The following PRICKLE1 variants were observed in gnomAD, a reference collection of about 807,000 sequenced individuals.
The protein encoded by PRICKLE1 is prickle planar cell polarity protein 1, also known as prickle-like protein 1.
PRICKLE1 carries 14 observed loss-of-function variants against 70.2 expected under a neutral mutation model. The observed-to-expected ratio is 0.20, with a 90% CI of 0.13 to 0.31. PRICKLE1 has a LOEUF of 0.31. PRICKLE1 is among the 10% of genes least tolerant of loss of function. PRICKLE1 has a pLI of 1.00. For synonymous variants in PRICKLE1, 357 were observed against 379.9 expected (o/e 0.94, Z 0.70); for missense variants, 821 against 1,026.2 (o/e 0.80, Z 2.73).
chr12:42,513,644 A>T (rs1229753553), intron 1 of PRICKLE1, among the ~76,000 whole-genome samples: 2 of 151,998 alleles, frequency 1.3e-5, no homozygotes, highest in Admixed American at 1.3e-4. Context: ...CATATCTTCA[A>T]TGCTGTCCCC....
At chr12:42,549,617 G>T (rs1566122655) in intron 1 of PRICKLE1, among the ~76,000 whole-genome samples, 1 of 152,032 alleles carries the variant, frequency 6.6e-6, no homozygotes, top group Non-Finnish European at 1.5e-5. Context: ...AAACCTACAA[G>T]TCCCCATAGA....
chr12:42,566,007 C>CTGTG (rs1292325668), intron 1 of PRICKLE1, among the ~76,000 whole-genome samples: 3 of 152,176 alleles, frequency 2.0e-5, no homozygotes, highest in Admixed American at 6.6e-5. Context: ...GGAAGCCAGT[C>CTGTG]TGTGTGGCGA....
intron 1 of PRICKLE1, among the ~76,000 whole-genome samples, chr12:42,585,485 C>T (rs1020510693): frequency 6.6e-6 from 1 of 152,112 alleles, no homozygotes; most frequent in African/African-American, 2.4e-5. Context: ...CCCCACCCCC[C>T]ACAACTGGAA....
rs556250398 is a variant in PRICKLE1, at chr12:42,464,210, G to A, written c.1639+185C>T. Among the ~76,000 whole-genome samples, 13 of 152,106 alleles carry A rather than the reference G, an allele frequency of 8.5e-5. No individual in the cohort carries two copies. Among genetic ancestry groups the A allele is most frequent in the Non-Finnish European group, 1.3e-4 (9 of 68,016 alleles). On this transcript the variant is annotated intron_variant, in intron 7 of 7. Coordinates refer to ENST00000345127, the MANE Select transcript of PRICKLE1 (RefSeq NM_153026.3). This position sits in a 1 kb window ranked among gnomAD's most constrained non-coding sequence, Gnocchi z 4.2. ...TAATTTTTGTATTTTTAGTAGAGCC[G>A]CGGTTTCGCCATGTTGCCTGGGCTG...
chr12:42,465,373 T>C, intron 6 of PRICKLE1, 115 bp from the exon 7 acceptor site: 1 of 933,412 alleles, frequency 1.1e-6, no homozygotes, highest in South Asian at 1.6e-5. Flanking sequence ...GCTGTGTGGG[T>C]GACACAGATA....
Position 42,459,729 on chromosome 12 carries a change from A to G in PRICKLE1, c.*80T>C. 1 of 1,555,658 alleles carries G rather than the reference A, an allele frequency of 6.4e-7. No individual in the cohort carries two copies. Among genetic ancestry groups the G allele is most frequent in the East Asian group, 2.2e-5 (1 of 44,564 alleles). ...AGAAAGCACTTTAAACTATTTTCACAACTTTCCTACGGAAGAAAAGGAAAC... is the reference window on the plus strand; with the variant it reads ...AGAAAGCACTTTAAACTATTTTCACGACTTTCCTACGGAAGAAAAGGAAAC... On this transcript the variant is annotated 3_prime_UTR_variant, in exon 8 of 8. Coordinates refer to ENST00000345127, the MANE Select transcript of PRICKLE1 (RefSeq NM_153026.3).
intron 1 of PRICKLE1, among the ~76,000 whole-genome samples, chr12:42,571,529 G>A (rs1940713020): frequency 6.6e-6 from 1 of 152,228 alleles, no homozygotes; most frequent in South Asian, 2.1e-4. Flanking sequence ...TCTTGTCTGA[G>A]GAAGCAGATG....
chr12:42,495,407 A>G (rs1312451870), intron 1 of PRICKLE1, among the ~76,000 whole-genome samples: 1 of 146,296 alleles, frequency 6.8e-6, no homozygotes, highest in Admixed American at 6.8e-5. Context: ...AAAAAGAGAG[A>G]GAGAGAGAGA....
chr12:42,519,193 C>CTTTTCT (rs1939663880), intron 1 of PRICKLE1, among the ~76,000 whole-genome samples: 1 of 99,190 alleles, frequency 1.0e-5, no homozygotes, highest in Non-Finnish European at 1.9e-5. Context: ...CCTTTTTTTC[C>CTTTTCT]TTTTTTTTTT....
chr12:42,459,591 G>T lies in PRICKLE1; in HGVS notation c.*218C>A. On this transcript the variant is annotated 3_prime_UTR_variant, in exon 8 of 8. Transcript: ENST00000345127. ...TAACGCACCCGCACCGGACAGGCAC[G>T]AGATGTCACGTCCACCTGGCACCAT... 1.5e-6 allele frequency: 1 copy of T among 648,138 alleles called. No homozygotes were observed. The highest frequency in any genetic ancestry group is 2.8e-5 in the Admixed American group (1 of 36,354). The allele number at this position is 648,138 out of a possible 1,614,324, so 40.1% of individuals were successfully genotyped here.
At chr12:42,492,209 C>G (rs1939119694) in intron 1 of PRICKLE1, among the ~76,000 whole-genome samples, 1 of 152,122 alleles carries the variant, frequency 6.6e-6, no homozygotes, top group Non-Finnish European at 1.5e-5. Flanking sequence ...TCAAGTGATC[C>G]TCCCATCTCA....
chr12:42,457,009 C>G lies in PRICKLE1; in HGVS notation c.*2800G>C, dbSNP rs1195831001. 1 of 152,048 alleles carries G rather than the reference C, an allele frequency of 6.6e-6. No homozygotes were observed. The highest frequency in any genetic ancestry group is 1.5e-5 in the Non-Finnish European group (1 of 68,074). The allele number at this position is 152,048 out of a possible 1,614,324, so 9.4% of individuals were successfully genotyped here. A position where few individuals can be genotyped will look rare whatever the true frequency, so the allele number is the denominator to read the frequency against. ...TGGCCAACTTGGTGAAACACTGTCT[C>G]TACTAAAAATATAAAAAATTAGCCG... On this transcript the variant is annotated 3_prime_UTR_variant, in exon 8 of 8. Coordinates refer to ENST00000345127, the MANE Select transcript of PRICKLE1 (RefSeq NM_153026.3).
chr12:42,560,819 A>AC (rs1332613613), intron 1 of PRICKLE1, among the ~76,000 whole-genome samples: 8 of 147,848 alleles, frequency 5.4e-5, no homozygotes, highest in East Asian at 2.0e-4. Context: ...CACACACACA[A>AC]AACAAAAAAC....
intron 1 of PRICKLE1, among the ~76,000 whole-genome samples, chr12:42,522,407 G>A (rs985710630): frequency 6.6e-6 from 1 of 152,086 alleles, no homozygotes; most frequent in Non-Finnish European, 1.5e-5. Flanking sequence ...CTGAAATCAG[G>A]GGTTTTAGGG....
At chr12:42,473,348 C>T (rs1010673423) in intron 1 of PRICKLE1, among the ~76,000 whole-genome samples, 3 of 152,092 alleles carry the variant, frequency 2.0e-5, no homozygotes, top group African/African-American at 7.2e-5. Flanking sequence ...GCAGTCAGTG[C>T]CTAGTATGTG....
chr12:42,587,898 G>T (rs1476017872), intron 1 of PRICKLE1, among the ~76,000 whole-genome samples: 1 of 152,138 alleles, frequency 6.6e-6, no homozygotes, highest in Non-Finnish European at 1.5e-5. Context: ...GGATTAAGTT[G>T]ATGCTCAATT....
At chr12:42,578,460 C>G (rs1940839109) in intron 1 of PRICKLE1, among the ~76,000 whole-genome samples, 1 of 152,032 alleles carries the variant, frequency 6.6e-6, no homozygotes, top group African/African-American at 2.4e-5. Flanking sequence ...TGCACATATT[C>G]AATCTTCTAT....
intron 1 of PRICKLE1, among the ~76,000 whole-genome samples, chr12:42,551,487 A>C (rs1940316771): frequency 6.6e-6 from 1 of 152,190 alleles, no homozygotes; most frequent in South Asian, 2.1e-4. Context: ...AGGGTCCCAG[A>C]AAAACAGGCA....
At chr12:42,548,852 G>A (rs1940256900) in intron 1 of PRICKLE1, among the ~76,000 whole-genome samples, 1 of 152,176 alleles carries the variant, frequency 6.6e-6, no homozygotes, top group Admixed American at 6.5e-5. Flanking sequence ...CGGGCGCGGT[G>A]GCTCATGCCT....
Sources: gnomAD v4.1 joint callset for allele counts (sites outside exome capture counted in the v4.1 genomes callset) on GRCh38, gnomAD v4.1.1 for gene constraint, Gnocchi (gnomAD v3.1) non-coding constraint, MANE v1.5 for transcripts, NCBI Gene and HGNC (gene_info 2026-07-23, HGNC 2026-07-21) for gene names.